Variants in ATR observed in about 807,000 individuals in gnomAD.
The protein encoded by ATR is ATR checkpoint kinase, also known as serine/threonine-protein kinase ATR.
Under a neutral mutation model 305.3 loss-of-function variants are expected in ATR, and 142 were observed. That is an observed-to-expected ratio of 0.47 (90% CI 0.41 to 0.53). ATR has a LOEUF of 0.53. Among genes scored for constraint, ATR ranks in the 20% least tolerant of loss-of-function variants. The pLI is 0.00. For missense variants in ATR, 2,135 were observed against 3,133.1 expected, an observed-to-expected ratio of 0.68 and a Z score of 7.60; for synonymous variants, 1,050 against 1,068.1, an observed-to-expected ratio of 0.98 and a Z score of 0.33.
At chr3:142,515,635 T>G (rs2032828032) in intron 24 of ATR, 120 bp from the exon 25 acceptor site, 2 of 1,131,060 alleles carry the variant, frequency 1.8e-6, no homozygotes, top group Middle Eastern at 2.9e-4. Context: ...TGCAATCTGC[T>G]TACCTTTTTC....
At position 142,461,992 on chromosome 3, in the gene ATR, C is replaced by G. The variant is rs545436246; in HGVS notation, c.7140G>C (p.Val2380=). 2 of 1,613,596 alleles carry G rather than the reference C, an allele frequency of 1.2e-6. No homozygotes were observed. The highest frequency in any genetic ancestry group is 1.7e-6 in the Non-Finnish European group (2 of 1,179,776). ...TAGGTCTCAAACCAGCAGTGTTGTT[C>G]ACCCATTCAATAATCCCACATTCAT... ...LNDECGIIEW[V]NNTAGLRPIL... The change falls in exon 42 of 47, where the codon GTG becomes GTC. Residue 2380 remains valine (V), a synonymous_variant. Coordinates refer to ENST00000350721, the MANE Select transcript of ATR (RefSeq NM_001184.4).
At chr3:142,509,147 A>G (rs1022220982) in intron 27 of ATR, among the ~76,000 whole-genome samples, 2 of 152,086 alleles carry the variant, frequency 1.3e-5, no homozygotes, top group African/African-American at 4.8e-5. Context: ...ATAAGGCAGT[A>G]TATTTTATTT....
intron 36 of ATR, among the ~76,000 whole-genome samples, chr3:142,480,645 T>C (rs1019974648): frequency 1.3e-5 from 2 of 152,120 alleles, no homozygotes; most frequent in Non-Finnish European, 2.9e-5. Flanking sequence ...TCTGCAGAGG[T>C]TTCTGCTGCC....
At chr3:142,524,838 A>T (rs2033302210) in intron 21 of ATR, among the ~76,000 whole-genome samples, 1 of 152,212 alleles carries the variant, frequency 6.6e-6, no homozygotes, top group South Asian at 2.1e-4. Flanking sequence ...TGTAATGAAT[A>T]AAATGTTAAG....
In ATR at chr3:142,549,735, T is replaced by A. The variant is rs550730296; in HGVS notation, c.2977-62A>T. 5.2e-4 allele frequency: 776 copies of A among 1,488,818 alleles called. 1 individual carries two copies. The highest frequency in any genetic ancestry group is 6.9e-4 in the Non-Finnish European group (739 of 1,076,110). 92.2% of individuals were successfully genotyped at this position (1,488,818 alleles called of 1,614,324 possible). On this transcript the variant is annotated intron_variant, in intron 14 of 46. Transcript: ENST00000350721. Reference sequence around the variant, plus strand: ...TGTCTGGGTGAAAAAAATATTCACATAAGCTATGTGCAAAAATATTTTTAA... The same window carrying A: ...TGTCTGGGTGAAAAAAATATTCACAAAAGCTATGTGCAAAAATATTTTTAA...
rs552872123 is a variant in ATR at position 142,449,810 on chromosome 3, A to G, written c.7762-208T>C. The G allele has an allele frequency of 2.5e-3, 1,461 of 581,150 alleles. 7 individuals are homozygous for G. Among genetic ancestry groups the G allele is most frequent in the Admixed American group, 5.0e-3 (171 of 34,156 alleles). The allele number at this position is 581,150 out of a possible 1,614,324, so 36.0% of individuals were successfully genotyped here. A position where few individuals can be genotyped will look rare whatever the true frequency, so the allele number is the denominator to read the frequency against. ...GGCTCGCAAGATTGATTCAACATCA[A>G]CTGCTTGGACATGTTTCTGGACTAC... On this transcript the variant is annotated intron_variant, in intron 46 of 46. Coordinates refer to ENST00000350721, the MANE Select transcript of ATR (RefSeq NM_001184.4).
At chr3:142,484,683 C>T (rs1284823181) in intron 36 of ATR, among the ~76,000 whole-genome samples, 8 of 152,068 alleles carry the variant, frequency 5.3e-5, no homozygotes, top group African/African-American at 1.9e-4. Flanking sequence ...TCCAGAGGCC[C>T]AGACTTGCAA....
At chr3:142,467,848 T>C (rs1334987929) in intron 39 of ATR, 86 bp downstream of exon 39, 1 of 1,486,286 alleles carries the variant, frequency 6.7e-7, no homozygotes, top group Non-Finnish European at 9.2e-7. Context: ...AGAATTTTAA[T>C]TTAATTAATC....
chr3:142,563,131 T>C lies in ATR; in HGVS notation c.293-22A>G, dbSNP rs751119840. ...AATTCTTTGAAATAAACAAAAAAGA[T>C]ATTAAATAAACAAGTATATCCGAAG... On this transcript the variant is annotated intron_variant, in intron 3 of 46. Coordinates refer to ENST00000350721, the MANE Select transcript of ATR (RefSeq NM_001184.4). 12 of 1,590,260 alleles carry C rather than the reference T, an allele frequency of 7.5e-6. No individual in the cohort carries two copies. In the South Asian group the frequency reaches 1.3e-4, roughly 17 times the overall value.
chr3:142,511,081 T>C (rs1057331748), intron 27 of ATR, among the ~76,000 whole-genome samples: 2 of 151,976 alleles, frequency 1.3e-5, no homozygotes, highest in Non-Finnish European at 2.9e-5. Context: ...AAAAATAGCT[T>C]CTCTTTAGGC....
intron 15 of ATR, 21 bp from the exon 16 acceptor site, chr3:142,547,931 A>G (rs1160037536): frequency 3.1e-6 from 5 of 1,612,764 alleles, no homozygotes; most frequent in Non-Finnish European, 4.2e-6. Flanking sequence ...GACATGTTAA[A>G]AAAAATTTTT....
chr3:142,532,106 C>T (rs1337632019), intron 21 of ATR, among the ~76,000 whole-genome samples: 1 of 152,080 alleles, frequency 6.6e-6, no homozygotes, highest in Non-Finnish European at 1.5e-5. Context: ...CACCCACTGT[C>T]CTGCACCCAC....
chr3:142,546,427 T>C (rs1244999076), intron 16 of ATR, among the ~76,000 whole-genome samples: 1 of 152,208 alleles, frequency 6.6e-6, no homozygotes, highest in Non-Finnish European at 1.5e-5. Flanking sequence ...TGTAAATGTT[T>C]GTGTGTATGC....
intron 34 of ATR, 51 bp from the exon 35 acceptor site, chr3:142,493,362 A>T (rs772216280): frequency 6.6e-7 from 1 of 1,509,310 alleles, no homozygotes; most frequent in East Asian, 2.4e-5. Context: ...ACATACTTCT[A>T]TTTTCTGCAA....
At chr3:142,547,595 T>C (rs2034317280) in intron 16 of ATR, 130 bp downstream of exon 16, 5 of 1,050,282 alleles carry the variant, frequency 4.8e-6, no homozygotes, top group Non-Finnish European at 6.9e-6. Context: ...AAAATAAAAA[T>C]ACCAACTTAA....
chr3:142,450,092 T>C (rs983414763), intron 46 of ATR: 2 of 314,820 alleles, frequency 6.4e-6, no homozygotes, highest in Non-Finnish European at 1.2e-5. Flanking sequence ...GAGGTGGTGC[T>C]GGGTGGGCTG....
At chr3:142,549,313 T>C (rs2034392427) in intron 15 of ATR, among the ~76,000 whole-genome samples, 166 bp downstream of exon 15, 1 of 152,192 alleles carries the variant, frequency 6.6e-6, no homozygotes, top group South Asian at 2.1e-4. Context: ...GAGAATTCTA[T>C]TTAATATGCT....
intron 36 of ATR, among the ~76,000 whole-genome samples, chr3:142,480,011 A>G (rs887138123): frequency 5.3e-5 from 8 of 151,910 alleles, no homozygotes; most frequent in Non-Finnish European, 8.8e-5. Context: ...AAGGTTTTTA[A>G]CTTCTTTGCC....
At chr3:142,549,745 GC>G in intron 14 of ATR, 72 bp from the exon 15 acceptor site, 2 of 1,419,150 alleles carry the variant, frequency 1.4e-6, no homozygotes, top group South Asian at 2.4e-5. Flanking sequence ...TAAGCTATGT[GC>G]AAAAATATTT....
Sources: gnomAD v4.1 joint callset for allele counts (sites outside exome capture counted in the v4.1 genomes callset) on GRCh38, gnomAD v4.1.1 for gene constraint, MANE v1.5 for transcripts, NCBI Gene and HGNC (gene_info 2026-07-23, HGNC 2026-07-21) for gene names.